The following SENP5 variants were observed in gnomAD, a reference collection of about 807,000 sequenced individuals.
SENP5 encodes sentrin-specific protease 5.
A neutral mutation model predicts 74.2 loss-of-function variants in SENP5; 21 were observed. The observed-to-expected ratio is 0.28, with a 90% CI of 0.20 to 0.41. The LOEUF is 0.41. Among genes scored for constraint, SENP5 ranks in the 10% least tolerant of loss-of-function variants. The probability of loss-of-function intolerance (pLI) is 1.00; values close to 1 mark genes in which losing one functional copy is unlikely to be tolerated. For synonymous variants in SENP5, 311 were observed against 312.7 expected, an observed-to-expected ratio of 0.99 and a Z score of 0.06; for missense variants, 717 against 889.1, an observed-to-expected ratio of 0.81 and a Z score of 2.46.
intron 5 of SENP5, among the ~76,000 whole-genome samples, chr3:196,902,996 T>C (rs1196401705): frequency 6.6e-6 from 1 of 152,220 alleles, no homozygotes; most frequent in East Asian, 1.9e-4. Context: ...GTTGCTTCTC[T>C]ACTTGATTGG....
At chr3:196,922,276 A>G (rs1354382206) in intron 6 of SENP5, among the ~76,000 whole-genome samples, 1 of 152,220 alleles carries the variant, frequency 6.6e-6, no homozygotes, top group African/African-American at 2.4e-5. Context: ...TCAAGGTGCA[A>G]AGAAGCTAAG....
chr3:196,889,091 G>A (rs145306737), intron 2 of SENP5, among the ~76,000 whole-genome samples: 1,655 of 151,932 alleles, frequency 0.011, 21 homozygotes, highest in African/African-American at 0.032. Flanking sequence ...ACTCCAGCCT[G>A]GGCGACAGAG....
At chr3:196,874,119 A>G (rs921645613) in intron 1 of SENP5, among the ~76,000 whole-genome samples, 2 of 149,802 alleles carry the variant, frequency 1.3e-5, no homozygotes, top group African/African-American at 4.9e-5. Flanking sequence ...TCAGTGAGCC[A>G]TGGCTGACAG....
chr3:196,927,636 TA>T (rs10663759), intron 7 of SENP5, among the ~76,000 whole-genome samples, 159 bp from the exon 8 acceptor site: 571 of 136,000 alleles, frequency 4.2e-3, no homozygotes, highest in Non-Finnish European at 4.0e-3. Flanking sequence ...ATCCTCTCTT[TA>T]AAAAAAAAAA....
intron 2 of SENP5, among the ~76,000 whole-genome samples, chr3:196,895,833 A>G (rs1354477343): frequency 6.6e-6 from 1 of 152,114 alleles, no homozygotes; most frequent in African/African-American, 2.4e-5. Context: ...GGTACTTTAA[A>G]TTCTAAAATG....
intron 6 of SENP5, among the ~76,000 whole-genome samples, chr3:196,915,432 G>T (rs767818305): frequency 6.6e-6 from 1 of 152,188 alleles, no homozygotes; most frequent in Non-Finnish European, 1.5e-5. Flanking sequence ...CTAGGCCCTA[G>T]ACCCTGGATG....
intron 6 of SENP5, among the ~76,000 whole-genome samples, chr3:196,915,953 C>T (rs1184414922): frequency 6.6e-6 from 1 of 152,124 alleles, no homozygotes; most frequent in Admixed American, 6.5e-5. Context: ...CAGATAAAAA[C>T]AAGTCCAAAC....
chr3:196,878,859 T>C (rs1453938544), intron 1 of SENP5, among the ~76,000 whole-genome samples: 1 of 152,228 alleles, frequency 6.6e-6, no homozygotes, highest in Non-Finnish European at 1.5e-5. Context: ...CCCAAAGTGC[T>C]GGTAGTACAG....
chr3:196,885,665 C>T lies in SENP5; in HGVS notation c.484C>T (p.Gln162Ter), dbSNP rs757001638. ...TGGTCACAGACCTAGGACAGACCCA[C>T]AACCTTCTGACTTTCCCATGAAGTT... Reference protein sequence around the residue: ...ANGHRPRTDPQPSDFPMKFNG... With the variant: ...ANGHRPRTDP The change falls in exon 2 of 10, where the codon CAA becomes TAA. Residue 162 changes from glutamine to a stop codon, truncating the protein, a stop_gained. Transcript: ENST00000323460. LOFTEE classifies it high-confidence loss of function. 1.2e-6 allele frequency: 2 copies of T among 1,614,226 alleles called. No individual in the cohort carries two copies. Among genetic ancestry groups the T allele is most frequent in the Admixed American group, 3.3e-5 (2 of 60,022 alleles).
chr3:196,896,367 G>A (rs1472128701), intron 2 of SENP5, among the ~76,000 whole-genome samples: 1 of 152,176 alleles, frequency 6.6e-6, no homozygotes, highest in Non-Finnish European at 1.5e-5. Context: ...CCTACAATCA[G>A]GATCTTAGTT....
intron 2 of SENP5, among the ~76,000 whole-genome samples, chr3:196,895,369 G>A (rs1714399746): frequency 6.7e-6 from 1 of 149,536 alleles, no homozygotes; most frequent in Admixed American, 6.6e-5. Flanking sequence ...GTATTTTTTA[G>A]TAGAGACAGG....
chr3:196,908,486 G>A (rs567228500), intron 6 of SENP5, among the ~76,000 whole-genome samples: 40 of 152,264 alleles, frequency 2.6e-4, no homozygotes, highest in Middle Eastern at 3.4e-3. Context: ...ACATCGAAAA[G>A]CTGGAAAGAT....
intron 1 of SENP5, among the ~76,000 whole-genome samples, chr3:196,876,211 G>C (rs1207279444): frequency 6.6e-6 from 1 of 152,104 alleles, no homozygotes; most frequent in African/African-American, 2.4e-5. Flanking sequence ...AAGCTTAACA[G>C]TTTGATTTAT....
intron 2 of SENP5, among the ~76,000 whole-genome samples, chr3:196,889,205 C>A (rs949843281): frequency 6.7e-6 from 1 of 149,746 alleles, no homozygotes; most frequent in Admixed American, 6.6e-5. Flanking sequence ...AAAAAAAAAA[C>A]AACACCAAAA....
intron 6 of SENP5, among the ~76,000 whole-genome samples, chr3:196,916,345 A>C (rs1057054710): frequency 6.6e-6 from 1 of 151,998 alleles, no homozygotes; most frequent in Non-Finnish European, 1.5e-5. Context: ...ACAAACAAAA[A>C]AAACATGCAG....
chr3:196,900,488 T>G, intron 5 of SENP5, 76 bp downstream of exon 5: 1 of 1,248,426 alleles, frequency 8.0e-7, no homozygotes, highest in East Asian at 2.4e-5. Context: ...GTTTTTACAT[T>G]TGATGTAATT....
chr3:196,920,771 G>A (rs528304953), intron 6 of SENP5, among the ~76,000 whole-genome samples: 3 of 152,160 alleles, frequency 2.0e-5, no homozygotes, highest in African/African-American at 4.8e-5. Flanking sequence ...TTTATTCTGC[G>A]AATGGGACCC....
At chr3:196,930,791 T>G in intron 9 of SENP5, 22 bp from the exon 10 acceptor site, 1 of 1,394,854 alleles carries the variant, frequency 7.2e-7, no homozygotes, top group Non-Finnish European at 9.7e-7. Context: ...CTGAAGTGTT[T>G]CTGGGACCTT....
In SENP5 at chr3:196,886,426, G is replaced by A; in HGVS notation, c.1245G>A (p.Val415=). 1 of 1,611,242 alleles carries A rather than the reference G, an allele frequency of 6.2e-7. No individual in the cohort carries two copies. The highest frequency in any genetic ancestry group is 8.5e-7 in the Non-Finnish European group (1 of 1,178,108). ...SVSDDRVKLS[V]SGADTSVSSV... ...GTGATGACAGAGTAAAACTGTCAGT[G>A]TCTGGAGCAGATACATCTGTGAGTA... The change falls in exon 2 of 10, where the codon GTG becomes GTA. Residue 415 remains valine, a synonymous_variant. Transcript: ENST00000323460.
Sources: gnomAD v4.1 joint callset for allele counts (sites outside exome capture counted in the v4.1 genomes callset) on GRCh38, gnomAD v4.1.1 for gene constraint, MANE v1.5 for transcripts, NCBI Gene and HGNC (gene_info 2026-07-23, HGNC 2026-07-21) for gene names.